UBE3C: variants seen among roughly 807,000 people sequenced by gnomAD.
UBE3C encodes the protein ubiquitin protein ligase E3C.
In UBE3C, 42 loss-of-function variants were observed where a neutral mutation model predicts 129.4. The ratio of observed to expected loss-of-function variants is 0.32; its 90% CI spans 0.25 to 0.42. The LOEUF (loss-of-function observed/expected upper bound fraction) is 0.42, where lower values mean the gene tolerates loss of function less well. Among genes scored for constraint, UBE3C ranks in the 10% least tolerant of loss-of-function variants. The pLI, the probability that UBE3C is intolerant of heterozygous loss-of-function variation, is 1.00. For missense variants in UBE3C, 1,049 were observed against 1,319.1 expected, an observed-to-expected ratio of 0.80 and a Z score of 3.17; for synonymous variants, 510 against 492.4, an observed-to-expected ratio of 1.04 and a Z score of -0.47.
Position 157,265,581 on chromosome 7 carries a change from G to A in UBE3C, c.3082-2004G>A, listed in dbSNP as rs541194711. On this transcript the variant is annotated intron_variant, in intron 22 of 22. Transcript: ENST00000348165. ...AGCTGAGAGAAGTGCCCAGCAACAC[G>A]TCGTGCCGCGCGTGTGCATGGAACA... Among the ~76,000 whole-genome samples, 38 of 152,278 alleles carry A rather than the reference G, an allele frequency of 2.5e-4. 1 individual carries two copies. The South Asian group carries it at 7.5e-3, about 30-fold the overall frequency.
rs541569559 is a variant in UBE3C at position 157,235,198 on chromosome 7, A to AAAAAG, written c.2481+3886_2481+3890dup. On this transcript the variant is annotated intron_variant, in intron 18 of 22. Coordinates refer to ENST00000348165, the MANE Select transcript of UBE3C (RefSeq NM_014671.3). ...GAGCAAAACTCTGTCTCAAATTAAA[A>AAAAAG]AAAAGAAAAGAAAAGAAAATCTTTA... is the stretch of plus-strand genomic sequence containing the variant. Among the ~76,000 whole-genome samples, 19 of 152,282 alleles carry AAAAAG rather than the reference A, an allele frequency of 1.2e-4. No individual in the cohort carries two copies. In the East Asian group the frequency reaches 3.3e-3, roughly 26 times the overall value.
intron 22 of UBE3C, among the ~76,000 whole-genome samples, chr7:157,264,163 G>C (rs1797002193): frequency 6.7e-6 from 1 of 149,710 alleles, no homozygotes; most frequent in Admixed American, 6.7e-5. Flanking sequence ...ACAGGTGTGA[G>C]CCAACATGTT....
intron 11 of UBE3C, among the ~76,000 whole-genome samples, chr7:157,206,665 G>A (rs1446813911): frequency 6.6e-6 from 1 of 151,540 alleles, no homozygotes; most frequent in Admixed American, 6.6e-5. Flanking sequence ...CTCAGCTCAT[G>A]GCAACCTCTG....
intron 10 of UBE3C, chr7:157,192,612 T>TCTTA: frequency 2.6e-6 from 2 of 764,844 alleles, no homozygotes; most frequent in African/African-American, 1.7e-5. Context: ...AAGGAAGGAG[T>TCTTA]CTTACCCCAC....
chr7:157,207,492 T>C lies in UBE3C; in HGVS notation c.1513T>C (p.Ser505Pro). ...CATCCCACTCTTTTATCTTTTTAGC[T>C]CCTTGTTTAGTCATTCACTAATTTC... ...RIIPLFYLFS[S>P]LFSHSLISIH... Residue 505 changes from serine to proline, a missense_variant, in exon 12 of 23, where the codon TCC (serine) becomes CCC (proline). Around this residue, in one of 4 missense-constraint regions of UBE3C, gnomAD observed 314 missense variants for 416.9 expected, o/e 0.75. Coordinates refer to ENST00000348165, the MANE Select transcript of UBE3C (RefSeq NM_014671.3). The C allele has an allele frequency of 6.2e-7, 1 of 1,613,860 alleles. No individual in the cohort carries two copies. Among genetic ancestry groups the C allele is most frequent in the Non-Finnish European group, 8.5e-7 (1 of 1,179,978 alleles).
At chr7:157,172,039 T>TC (rs397696077) in intron 4 of UBE3C, among the ~76,000 whole-genome samples, 2 of 150,092 alleles carry the variant, frequency 1.3e-5, no homozygotes, top group East Asian at 2.0e-4. Flanking sequence ...TTTTTTTTTT[T>TC]CCTTTTTGAG....
intron 15 of UBE3C, chr7:157,223,014 G>A (rs1795780504): frequency 2.4e-6 from 1 of 424,538 alleles, no homozygotes; most frequent in Non-Finnish European, 4.3e-6. Flanking sequence ...GAGTGGAAGT[G>A]TAGTCCTTGA....
chr7:157,150,567 C>T (rs903904675), intron 1 of UBE3C, among the ~76,000 whole-genome samples: 1 of 152,160 alleles, frequency 6.6e-6, no homozygotes, highest in Non-Finnish European at 1.5e-5. Context: ...AAATACAGGA[C>T]ATTTGTTAAA....
In UBE3C at chr7:157,196,716, C is replaced by T. The variant is rs139097731; in HGVS notation, c.1332-5005C>T. 8.1e-3 allele frequency among the ~76,000 whole-genome samples: 1,230 copies of T among 151,726 alleles called. 13 individuals carry two copies. The highest frequency in any genetic ancestry group is 0.029 in the African/African-American group (1,179 of 41,146). ...AGGTGCAGTGGCTCACGCCTATAAT[C>T]CCAGCACTTTGGGAGTCTGAGGTGG... On this transcript the variant is annotated intron_variant, in intron 10 of 22. Coordinates refer to ENST00000348165, the MANE Select transcript of UBE3C (RefSeq NM_014671.3).
chr7:157,201,523 A>G (rs1809281342), intron 10 of UBE3C, among the ~76,000 whole-genome samples, 198 bp from the exon 11 acceptor site: 1 of 149,952 alleles, frequency 6.7e-6, no homozygotes, highest in African/African-American at 2.5e-5. Flanking sequence ...GCACAGATTT[A>G]CACCTTTGGG....
rs768614218 is a variant in UBE3C at position 157,225,417 on chromosome 7, G to A, written c.2111G>A (p.Arg704Lys). The A allele has an allele frequency of 6.2e-7, 1 of 1,603,472 alleles. No homozygotes were observed. Among genetic ancestry groups the A allele is most frequent in the Non-Finnish European group, 8.5e-7 (1 of 1,177,488 alleles). ...TTCCTTGTTTGTTAGATCTTTCAGA[G>A]GTTGATTTATGCAGATAAGCAAGAA... ...PFEERVKIFQ[R>K]LIYADKQEVQ... Residue 704 changes from arginine (R) to lysine (K), a missense_variant, in exon 17 of 23, where the codon AGG (arginine) becomes AAG (lysine). Arg to Lys is a conservative substitution (Grantham distance 26). Transcript: ENST00000348165.
intron 16 of UBE3C, among the ~76,000 whole-genome samples, chr7:157,225,021 T>A (rs989795233): frequency 5.3e-5 from 8 of 152,164 alleles, no homozygotes; most frequent in Admixed American, 1.3e-4. Context: ...ATTTTAATTT[T>A]ATTTTATTTT....
At chr7:157,146,028 T>C (rs1379141341) in intron 1 of UBE3C, among the ~76,000 whole-genome samples, 1 of 152,188 alleles carries the variant, frequency 6.6e-6, no homozygotes, top group African/African-American at 2.4e-5. Context: ...TTTCTAGTAG[T>C]TTTATAATTT....
At chr7:157,174,551 C>G (rs1397568290) in intron 4 of UBE3C, among the ~76,000 whole-genome samples, 3 of 152,126 alleles carry the variant, frequency 2.0e-5, no homozygotes, top group African/African-American at 4.8e-5. Context: ...CCCGCAAGTT[C>G]AAGTGATCCT....
At position 157,268,749 on chromosome 7, in the gene UBE3C, C is replaced by G. The variant is rs1243709503; in HGVS notation, c.*994C>G. Reference sequence around the variant, plus strand: ...GTGCTGCTCTGACTCGAAGACGGGACAGTCCCTGGTGCACATCCAGGGAAG... The same window carrying G: ...GTGCTGCTCTGACTCGAAGACGGGAGAGTCCCTGGTGCACATCCAGGGAAG... On this transcript the variant is annotated 3_prime_UTR_variant, in exon 23 of 23. Coordinates refer to ENST00000348165, the MANE Select transcript of UBE3C (RefSeq NM_014671.3). 1 of 152,704 alleles carries G rather than the reference C, an allele frequency of 6.5e-6. No individual in the cohort carries two copies. The highest frequency in any genetic ancestry group is 2.4e-5 in the African/African-American group (1 of 41,460). 9.5% of individuals were successfully genotyped at this position (152,704 alleles called of 1,614,324 possible).
At chr7:157,154,500 A>G (rs528570401) in intron 1 of UBE3C, among the ~76,000 whole-genome samples, 2 of 152,260 alleles carry the variant, frequency 1.3e-5, no homozygotes, top group African/African-American at 4.8e-5. Flanking sequence ...TCACCTCAAC[A>G]AAATATCTTA....
At chr7:157,164,597 A>G (rs191357536) in intron 2 of UBE3C, 171 of 367,098 alleles carry the variant, frequency 4.7e-4, no homozygotes, top group African/African-American at 3.3e-3. Context: ...TAGTTTCTTT[A>G]AATAGCTTTA....
rs777307064 is a variant in UBE3C at position 157,217,037 on chromosome 7, GAGA to G, written c.1914+71_1914+73del. The G allele has an allele frequency of 4.6e-6, 6 of 1,299,836 alleles. No homozygotes were observed. In the South Asian group the frequency reaches 5.2e-5, roughly 11 times the overall value. The allele number at this position is 1,299,836 out of a possible 1,614,324, so 80.5% of individuals were successfully genotyped here. On this transcript the variant is annotated intron_variant, in intron 14 of 22. Coordinates refer to ENST00000348165, the MANE Select transcript of UBE3C (RefSeq NM_014671.3). The stretch of plus-strand genomic sequence containing the variant: ...TACATTCAGCTTGTGTCTTTCTGGA[GAGA>G]AGAATTAAGCACTTTAAAATTATTT...
intron 18 of UBE3C, among the ~76,000 whole-genome samples, chr7:157,236,498 G>T (rs1258573486): frequency 1.3e-5 from 2 of 152,124 alleles, no homozygotes; most frequent in Non-Finnish European, 2.9e-5. Context: ...AATTCAGTGT[G>T]CATTTAATGT....
Sources: allele counts gnomAD v4.1 joint callset (sites outside exome capture counted in the v4.1 genomes callset), GRCh38; gene constraint gnomAD v4.1.1; regional missense constraint gnomAD v4.1.1; transcripts MANE v1.5; gene names NCBI Gene and HGNC (gene_info 2026-07-23, HGNC 2026-07-21).